The following RAD52 variants were observed in gnomAD, a reference collection of about 807,000 sequenced individuals.
The protein encoded by RAD52 is RAD52 DNA repair protein.
In RAD52, 47 loss-of-function variants were observed where a neutral mutation model predicts 55.5. That is an observed-to-expected ratio of 0.85 (90% CI 0.67 to 1.08). RAD52 has a LOEUF of 1.08. RAD52 is among the 50% of genes least tolerant of loss of function. RAD52 has a pLI of 0.00. For synonymous variants in RAD52, 184 were observed against 198.9 expected, an observed-to-expected ratio of 0.92 and a Z score of 0.63; for missense variants, 468 against 522.8, an observed-to-expected ratio of 0.90 and a Z score of 1.02.
chr12:933,092 GC>G lies in RAD52; in HGVS notation c.-18-17del. On this transcript the variant is annotated splice_polypyrimidine_tract_variant and intron_variant, in intron 1 of 11. Coordinates refer to ENST00000358495, the MANE Select transcript of RAD52 (RefSeq NM_134424.4). Reference sequence around the variant, plus strand: ...TGGTTGACCTCTATATAAATAAAAAGCGGAAAAAAAAAACAACCCTCAAAGA... The same window carrying G: ...TGGTTGACCTCTATATAAATAAAAAGGGAAAAAAAAAACAACCCTCAAAGA... The G allele has an allele frequency of 6.5e-7, 1 of 1,530,394 alleles. No individual in the cohort carries two copies. The highest frequency in any genetic ancestry group is 8.9e-7 in the Non-Finnish European group (1 of 1,127,976). 94.8% of individuals were successfully genotyped at this position (1,530,394 alleles called of 1,614,324 possible). A position where few individuals can be genotyped will look rare whatever the true frequency, so the allele number is the denominator to read the frequency against.
chr12:957,224 G>A (rs544949321), intron 1 of RAD52, among the ~76,000 whole-genome samples: 17 of 151,824 alleles, frequency 1.1e-4, no homozygotes, highest in Non-Finnish European at 2.1e-4. Context: ...TTGGGAGGCC[G>A]AGGCAGGTGG....
At chr12:933,857 C>G (rs758368787) in intron 1 of RAD52, among the ~76,000 whole-genome samples, 79 of 152,008 alleles carry the variant, frequency 5.2e-4, no homozygotes, top group Admixed American at 1.3e-4. Flanking sequence ...CATGGTGGCT[C>G]AAACCTATAA....
chr12:970,947 CTTGA>C (rs1019835808), intron 1 of RAD52, among the ~76,000 whole-genome samples: 3 of 151,906 alleles, frequency 2.0e-5, no homozygotes, highest in African/African-American at 7.3e-5. Context: ...TAAATCGATA[CTTGA>C]TTGTGTTATA....
intron 1 of RAD52, among the ~76,000 whole-genome samples, chr12:948,035 G>C (rs1170413223): frequency 1.3e-5 from 2 of 151,536 alleles, no homozygotes; most frequent in Non-Finnish European, 2.9e-5. Context: ...GTTCTGTGGA[G>C]GACTAGACCT....
intron 1 of RAD52, among the ~76,000 whole-genome samples, chr12:937,680 C>T (rs1329845573): frequency 6.6e-6 from 1 of 152,168 alleles, no homozygotes; most frequent in African/African-American, 2.4e-5. Context: ...CCTGCCTCAT[C>T]CTCCCAAAGT....
intron 7 of RAD52, among the ~76,000 whole-genome samples, chr12:920,553 C>G (rs1213681964): frequency 6.8e-6 from 1 of 146,164 alleles, no homozygotes; most frequent in East Asian, 2.0e-4. Flanking sequence ...GAGTGAGACT[C>G]CGTCTCAAAA....
intron 1 of RAD52, among the ~76,000 whole-genome samples, chr12:942,465 T>C (rs1308124900): frequency 2.0e-5 from 3 of 152,198 alleles, no homozygotes; most frequent in East Asian, 3.8e-4. Context: ...ATAAAATTTA[T>C]AGGCCGGGCA....
In RAD52 at chr12:916,690, G is replaced by A. The variant is rs375500971; in HGVS notation, c.674C>T (p.Pro225Leu). 27 of 1,614,030 alleles carry A rather than the reference G, an allele frequency of 1.7e-5. No homozygotes were observed. The highest frequency in any genetic ancestry group is 1.7e-4 in the Admixed American group (10 of 60,000). The change falls in exon 8 of 12, where the codon CCT (proline) becomes CTT (leucine). Residue 225 changes from proline to leucine, a missense_variant. By Grantham distance (98) the Pro-to-Leu change is moderately conservative. Coordinates refer to ENST00000358495, the MANE Select transcript of RAD52 (RefSeq NM_134424.4). ...GHPQLQQVTS[P>L]SRPSHAVIPA... ...TATCACAGCATGGCTGGGTCTGGAA[G>A]GGGAGGTCACCTGCTGCAGCTGTGG...
rs536066134 is a variant in RAD52 at position 973,291 on chromosome 12, G to C, written c.-19+16518C>G. 9.9e-5 allele frequency among the ~76,000 whole-genome samples: 15 copies of C among 151,992 alleles called. No homozygotes were observed. In the East Asian group the frequency reaches 2.7e-3, roughly 28 times the overall value. ...TCATCATGTTAGCCAGGATGGTCTC[G>C]ATCTCCTGACCTCGTGATCCACCCT... On this transcript the variant is annotated intron_variant, in intron 1 of 11. Coordinates refer to the RAD52 transcript ENST00000430095.
At chr12:947,886 C>CAAAAAAAAAAAAAAACAAAA (rs1958336989) in intron 1 of RAD52, among the ~76,000 whole-genome samples, 1 of 91,100 alleles carries the variant, frequency 1.1e-5, no homozygotes, top group Non-Finnish European at 2.1e-5. Flanking sequence ...AACTTCATCT[C>CAAAAAAAAAAAAAAACAAAA]AAAAAAAAAA....
At chr12:926,725 T>C (rs1957054949) in intron 6 of RAD52, 1 of 1,405,480 alleles carries the variant, frequency 7.1e-7, no homozygotes, top group East Asian at 2.5e-5. Flanking sequence ...GCCTCTGGTA[T>C]TCCTGTATAG....
intron 1 of RAD52, among the ~76,000 whole-genome samples, chr12:965,221 G>A (rs567881219): frequency 7.9e-5 from 12 of 151,882 alleles, no homozygotes; most frequent in Non-Finnish European, 1.3e-4. Context: ...TTGGTGATCC[G>A]CCCACCTCGA....
rs1473318908 is a variant in RAD52 at position 920,135 on chromosome 12, T to G, written c.544-3315A>C. ...AGGAGGCTGAGGCAGGAGAACTGCT[T>G]GAACCCAGGAGGCAAAGGATGCAGT... On this transcript the variant is annotated intron_variant, in intron 7 of 11. Transcript: ENST00000358495. Among the ~76,000 whole-genome samples the G allele has an allele frequency of 5.3e-5, 6 of 112,686 alleles. 1 individual carries two copies. Among genetic ancestry groups the G allele is most frequent in the African/African-American group, 2.2e-4 (6 of 26,808 alleles). The allele number at this position is 112,686 out of a possible 152,430, so 73.9% of individuals were successfully genotyped here. A position where few individuals can be genotyped will look rare whatever the true frequency, so the allele number is the denominator to read the frequency against.
At chr12:962,364 G>A (rs1178917237) in intron 1 of RAD52, among the ~76,000 whole-genome samples, 15 of 148,156 alleles carry the variant, frequency 1.0e-4, no homozygotes, top group Non-Finnish European at 1.8e-4. Context: ...TTTTTGAGAC[G>A]GAGTCTTGCT....
intron 1 of RAD52, chr12:976,673 T>C (rs1159266596): frequency 5.9e-5 from 9 of 152,164 alleles, no homozygotes; most frequent in Admixed American, 4.6e-4. Flanking sequence ...GGTGATGCCA[T>C]GGGGAACAGA....
At chr12:978,149 T>C (rs1332011855) in intron 1 of RAD52, among the ~76,000 whole-genome samples, 1 of 152,246 alleles carries the variant, frequency 6.6e-6, no homozygotes, top group African/African-American at 2.4e-5. Flanking sequence ...AGGCACCAAC[T>C]GTCCTTTCGT....
intron 10 of RAD52, 50 bp from the exon 11 acceptor site, chr12:914,171 C>T (rs1956235465): frequency 6.5e-7 from 1 of 1,530,040 alleles, no homozygotes; most frequent in Admixed American, 1.8e-5. Context: ...GAAGTATTCT[C>T]ACAGAAAGCA....
chr12:931,736 A>G (rs1416957131), intron 2 of RAD52, among the ~76,000 whole-genome samples: 6 of 152,216 alleles, frequency 3.9e-5, no homozygotes, highest in Non-Finnish European at 1.5e-5. Flanking sequence ...AGGAAGCTAA[A>G]ATGTTCTGCC....
At chr12:915,308 A>T (rs1352573689) in intron 9 of RAD52, among the ~76,000 whole-genome samples, 1 of 152,218 alleles carries the variant, frequency 6.6e-6, no homozygotes, top group Non-Finnish European at 1.5e-5. Context: ...CAATAACTCA[A>T]CAGTAAGGAT....
Sources: gnomAD v4.1 joint callset for allele counts (sites outside exome capture counted in the v4.1 genomes callset) on GRCh38, gnomAD v4.1.1 for gene constraint, MANE v1.5 for transcripts, NCBI Gene and HGNC (gene_info 2026-07-23, HGNC 2026-07-21) for gene names.